The following EXOC5 variants were observed in gnomAD, a reference collection of about 807,000 sequenced individuals.
EXOC5 encodes SEC10-like 1.
EXOC5 carries 17 observed loss-of-function variants against 90.8 expected under a neutral mutation model. The ratio of observed to expected loss-of-function variants is 0.19; its 90% CI spans 0.13 to 0.28. The LOEUF (loss-of-function observed/expected upper bound fraction) is 0.28, where lower values mean the gene tolerates loss of function less well. Among genes scored for constraint, EXOC5 ranks in the 10% least tolerant of loss-of-function variants. The pLI is 1.00. For missense variants in EXOC5, 569 were observed against 830.6 expected (o/e 0.69, Z 3.87); for synonymous variants, 260 against 270.0 (o/e 0.96, Z 0.36).
At chr14:57,250,105 C>T (rs1036723257) in intron 1 of EXOC5, among the ~76,000 whole-genome samples, 3 of 152,092 alleles carry the variant, frequency 2.0e-5, no homozygotes, top group Non-Finnish European at 2.9e-5. Context: ...AGTCACCAGG[C>T]AAGGCCTTTC....
At chr14:57,268,468 G>T (rs894716275) in intron 1 of EXOC5, 154 bp downstream of exon 1, 1 of 1,492,040 alleles carries the variant, frequency 6.7e-7, no homozygotes, top group South Asian at 1.3e-5. Context: ...CTCCGCCCGC[G>T]CTGACACGGA....
chr14:57,231,792 T>C lies in EXOC5; in HGVS notation c.939-77A>G, dbSNP rs538267255. 37 of 981,182 alleles carry C rather than the reference T, an allele frequency of 3.8e-5. No homozygotes were observed. The East Asian group carries it at 8.9e-4, about 24-fold the overall frequency. 60.8% of individuals were successfully genotyped at this position (981,182 alleles called of 1,614,324 possible). ...AACAATATTAAGGAATACAAATTTT[T>C]ACAACGTGACTTTCATGACTTATGT... On this transcript the variant is annotated intron_variant, in intron 10 of 17. Transcript: ENST00000621441.
intron 15 of EXOC5, among the ~76,000 whole-genome samples, chr14:57,216,177 C>T (rs1044838687): frequency 1.3e-5 from 2 of 151,738 alleles, no homozygotes; most frequent in Admixed American, 6.6e-5. Context: ...GAAACATATC[C>T]CGTGTTTAGA....
chr14:57,242,411 A>AT (rs11453464), intron 4 of EXOC5, among the ~76,000 whole-genome samples: 37,323 of 145,750 alleles, frequency 0.26, 11,391 homozygotes, highest in African/African-American at 0.74. Flanking sequence ...CGGTCAGCTA[A>AT]TTTTTTTTTT....
intron 12 of EXOC5, among the ~76,000 whole-genome samples, chr14:57,228,276 A>G (rs1160361799): frequency 6.6e-6 from 1 of 152,174 alleles, no homozygotes; most frequent in Non-Finnish European, 1.5e-5. Context: ...TAGTACAACC[A>G]TTGTGGAAGA....
At position 57,233,763 on chromosome 14, in the gene EXOC5, C is replaced by T. The variant is rs753495836; in HGVS notation, c.835G>A (p.Val279Ile). The T allele has an allele frequency of 6.4e-7, 1 of 1,574,656 alleles. No homozygotes were observed. The highest frequency in any genetic ancestry group is 1.7e-5 in the Admixed American group (1 of 59,596). Residue 279 changes from valine (V) to isoleucine (I), a missense_variant, in exon 9 of 18, where the codon GTA becomes ATA. Val to Ile is a conservative substitution (Grantham distance 29, BLOSUM62 3). Transcript: ENST00000621441. The stretch of plus-strand genomic sequence containing the variant: ...ATTACCTGTAGTTTGATTTCAAATA[C>T]ATTTTGAATAAGTTTAGCCAGGACT... ...ETVLAKLIQN[V>I]FEIKLQSFVK...
At chr14:57,264,037 T>C (rs1393933618) in intron 1 of EXOC5, among the ~76,000 whole-genome samples, 3 of 152,206 alleles carry the variant, frequency 2.0e-5, no homozygotes. Flanking sequence ...CTGCGCTGTA[T>C]TAATGTATTA....
chr14:57,232,411 T>C (rs772594094), intron 10 of EXOC5: 3 of 248,450 alleles, frequency 1.2e-5, no homozygotes, highest in Non-Finnish European at 1.5e-5. Flanking sequence ...TTCTAAAGTT[T>C]TGACTGCAGA....
intron 6 of EXOC5, among the ~76,000 whole-genome samples, chr14:57,236,506 G>A (rs996840121): frequency 2.6e-5 from 4 of 151,666 alleles, no homozygotes; most frequent in African/African-American, 7.3e-5. Context: ...AGCTGGTCTC[G>A]AACTCCTGAC....
chr14:57,237,308 A>G, intron 6 of EXOC5, 30 bp downstream of exon 6: 2 of 1,207,926 alleles, frequency 1.7e-6, no homozygotes, highest in Non-Finnish European at 2.4e-6. Context: ...TTACTTATTA[A>G]AAAAAAGGTA....
chr14:57,234,555 G>GTA lies in EXOC5; in HGVS notation c.670-525_670-524dup, dbSNP rs1180053311. Among the ~76,000 whole-genome samples, 7 of 145,718 alleles carry GTA rather than the reference G, an allele frequency of 4.8e-5. No homozygotes were observed. In the East Asian group the frequency reaches 7.9e-4, roughly 16 times the overall value. On this transcript the variant is annotated intron_variant, in intron 7 of 17. Transcript: ENST00000621441. The stretch of plus-strand genomic sequence containing the variant: ...TGTGTGTGTATATATATATATATGT[G>GTA]TATATATATATTTCTTTTTTTTTTT...
chr14:57,231,978 G>C (rs543114145), intron 10 of EXOC5: 12 of 317,226 alleles, frequency 3.8e-5, no homozygotes, highest in African/African-American at 2.6e-4. Context: ...AACTAGTCCA[G>C]AAATGGCGAC....
intron 12 of EXOC5, among the ~76,000 whole-genome samples, chr14:57,228,332 A>G (rs1883374114): frequency 6.6e-6 from 1 of 152,158 alleles, no homozygotes; most frequent in Non-Finnish European, 1.5e-5. Flanking sequence ...TTACCATTTG[A>G]CCCAGCAATC....
intron 1 of EXOC5, among the ~76,000 whole-genome samples, chr14:57,256,629 T>C (rs1032342191): frequency 6.6e-6 from 1 of 152,200 alleles, no homozygotes; most frequent in African/African-American, 2.4e-5. Flanking sequence ...GCCATCCAGA[T>C]TGCCCTTCAA....
At chr14:57,235,414 G>T (rs1883626281) in intron 7 of EXOC5, among the ~76,000 whole-genome samples, 1 of 151,684 alleles carries the variant, frequency 6.6e-6, no homozygotes. Context: ...ATAATATGTG[G>T]AAGCAAAAAG....
chr14:57,232,018 T>C (rs576562854), intron 10 of EXOC5: 1 of 259,490 alleles, frequency 3.9e-6, no homozygotes, highest in African/African-American at 2.3e-5. Context: ...GTATGTCTAA[T>C]GCCATTCATC....
intron 12 of EXOC5, among the ~76,000 whole-genome samples, chr14:57,228,099 A>T (rs1273820720): frequency 1.3e-5 from 2 of 152,150 alleles, no homozygotes; most frequent in Non-Finnish European, 2.9e-5. Flanking sequence ...CAAACATGAA[A>T]AAAAGCTCAT....
chr14:57,239,575 C>T lies in EXOC5; in HGVS notation c.530+20G>A. On this transcript the variant is annotated intron_variant, in intron 5 of 17. Coordinates refer to ENST00000621441, the MANE Select transcript of EXOC5 (RefSeq NM_006544.4). ...AAATTATACCACATATTCAAATTAG[C>T]TCTTGAGAAATGAACTTGCCTATCA... is the stretch of plus-strand genomic sequence containing the variant. 7.4e-7 allele frequency: 1 copy of T among 1,344,854 alleles called. No homozygotes were observed. The highest frequency in any genetic ancestry group is 2.5e-5 in the East Asian group (1 of 39,358). The allele number at this position is 1,344,854 out of a possible 1,614,324, so 83.3% of individuals were successfully genotyped here. A position where few individuals can be genotyped will look rare whatever the true frequency, so the allele number is the denominator to read the frequency against.
At chr14:57,262,906 C>T (rs1257252882) in intron 1 of EXOC5, among the ~76,000 whole-genome samples, 1 of 151,932 alleles carries the variant, frequency 6.6e-6, no homozygotes, top group Non-Finnish European at 1.5e-5. Flanking sequence ...ATTCTTCCTC[C>T]AAAATTCTTT....
Sources: gnomAD v4.1 joint callset for allele counts (sites outside exome capture counted in the v4.1 genomes callset) on GRCh38, gnomAD v4.1.1 for gene constraint, MANE v1.5 for transcripts, NCBI Gene and HGNC (gene_info 2026-07-23, HGNC 2026-07-21) for gene names.